MYO1H: variants seen among roughly 807,000 people sequenced by gnomAD.
MYO1H encodes the protein unconventional myosin-Ih.
A neutral mutation model predicts 149.3 loss-of-function variants in MYO1H; 118 were observed. The ratio of observed to expected loss-of-function variants is 0.79; its 90% CI spans 0.68 to 0.92. The LOEUF is 0.92. Among genes scored for constraint, MYO1H ranks in the 40% least tolerant of loss-of-function variants. The pLI is 0.00. For synonymous variants in MYO1H, 447 were observed against 465.2 expected (o/e 0.96, Z 0.50); for missense variants, 1,212 against 1,280.7 (o/e 0.95, Z 0.82).
At chr12:109,440,670 G>A (rs1872077502) in intron 24 of MYO1H, 74 bp from the exon 25 acceptor site, 3 of 1,084,864 alleles carry the variant, frequency 2.8e-6, no homozygotes, top group African/African-American at 3.2e-5. Flanking sequence ...TTTTTTTAAA[G>A]CTTCATTTTG....
chr12:109,430,320 G>A (rs1392254423), intron 19 of MYO1H, among the ~76,000 whole-genome samples: 1 of 152,174 alleles, frequency 6.6e-6, no homozygotes, highest in Non-Finnish European at 1.5e-5. Context: ...CTTGATCAGG[G>A]AGCAACCATA....
the MYO1H span, among the ~76,000 whole-genome samples, chr12:109,335,246 G>T: frequency 6.6e-6 from 1 of 152,160 alleles, no homozygotes; most frequent in Admixed American, 6.5e-5. Context: ...GGAGGCCTCA[G>T]GGAACTTACA....
At chr12:109,412,097 A>T in intron 14 of MYO1H, 112 bp downstream of exon 14, 2 of 660,148 alleles carry the variant, frequency 3.0e-6, no homozygotes, top group South Asian at 4.0e-5. Context: ...ACATAAAAAT[A>T]TCTTTATGTA....
exon 3 of MYO1H, chr12:109,393,372 G>A: frequency 6.3e-7 from 1 of 1,587,446 alleles, no homozygotes; most frequent in Non-Finnish European, 8.6e-7. Flanking sequence ...ATCCATACCA[G>A]GAGCTCGGAA....
chr12:109,409,772 C>T, intron 11 of MYO1H, 148 bp downstream of exon 11: 2 of 763,486 alleles, frequency 2.6e-6, no homozygotes, highest in Non-Finnish European at 4.4e-6. Context: ...ACAGACCATC[C>T]TAGATGTGGA....
chr12:109,334,009 TTTAC>T, the MYO1H span, among the ~76,000 whole-genome samples: 2 of 151,272 alleles, frequency 1.3e-5, no homozygotes, highest in Non-Finnish European at 2.9e-5. Flanking sequence ...GTACTCATTA[TTTAC>T]TTATTTGTTT....
intron 1 of MYO1H, among the ~76,000 whole-genome samples, chr12:109,367,661 C>G (rs1220194263): frequency 6.6e-6 from 1 of 152,088 alleles, no homozygotes; most frequent in Non-Finnish European, 1.5e-5. Context: ...ACCCCATTCT[C>G]CTGCCTCAGC....
chr12:109,388,794 T>C, exon 2 of MYO1H: 1 of 1,613,360 alleles, frequency 6.2e-7, no homozygotes, highest in Non-Finnish European at 8.5e-7. Flanking sequence ...CACCAGCGAA[T>C]CTGCCTTTGT....
At chr12:109,443,889 G>A (rs1872359114) in intron 28 of MYO1H, among the ~76,000 whole-genome samples, 1 of 150,602 alleles carries the variant, frequency 6.6e-6, no homozygotes, top group Non-Finnish European at 1.5e-5. Context: ...GTGGCAAAGT[G>A]AGACTCTGGC....
chr12:109,330,859 C>T, the MYO1H span, among the ~76,000 whole-genome samples: 40 of 152,172 alleles, frequency 2.6e-4, no homozygotes, highest in African/African-American at 9.4e-4. Context: ...CGTCTTGTGT[C>T]GTCAGACTAA....
chr12:109,382,751 G>C (rs1869230917), intron 1 of MYO1H, among the ~76,000 whole-genome samples: 1 of 151,518 alleles, frequency 6.6e-6, no homozygotes, highest in African/African-American at 2.4e-5. Flanking sequence ...ATAGGGGAAG[G>C]CATACGTTCA....
chr12:109,321,880 G>T, the MYO1H span, among the ~76,000 whole-genome samples: 1 of 152,120 alleles, frequency 6.6e-6, no homozygotes, highest in Admixed American at 6.5e-5. Context: ...AAAGAGTTTT[G>T]CAGAACACGA....
chr12:109,389,122 G>A (rs981003874), intron 2 of MYO1H, among the ~76,000 whole-genome samples: 3 of 152,120 alleles, frequency 2.0e-5, no homozygotes, highest in Non-Finnish European at 2.9e-5. Flanking sequence ...GACAATGTCT[G>A]GCAACTCCTT....
At chr12:109,428,255 A>G (rs918259453) in intron 19 of MYO1H, among the ~76,000 whole-genome samples, 10 of 152,226 alleles carry the variant, frequency 6.6e-5, no homozygotes, top group African/African-American at 2.4e-4. Context: ...AATTAGCAGG[A>G]GAAGCTAAGT....
chr12:109,401,558 T>G, intron 6 of MYO1H: 2 of 282,908 alleles, frequency 7.1e-6, no homozygotes, highest in Non-Finnish European at 1.3e-5. Flanking sequence ...GCCTGGGCCA[T>G]ACCCTCCAGA....
chr12:109,322,979 C>T, the MYO1H span, among the ~76,000 whole-genome samples: 2 of 151,878 alleles, frequency 1.3e-5, no homozygotes, highest in South Asian at 2.1e-4. Context: ...TGGTGTTGTG[C>T]GCCTGTGGTC....
chr12:109,379,639 G>T (rs1014516754), intron 1 of MYO1H, among the ~76,000 whole-genome samples: 5 of 150,810 alleles, frequency 3.3e-5, no homozygotes, highest in African/African-American at 1.2e-4. Context: ...AGCATATATA[G>T]TTTGCAAACA....
At chr12:109,405,835 T>C in intron 7 of MYO1H, 87 bp from the exon 8 acceptor site, 1 of 906,250 alleles carries the variant, frequency 1.1e-6, no homozygotes, top group South Asian at 1.4e-5. Flanking sequence ...TTCAGGTGTC[T>C]CCACTAATGA....
the MYO1H span, among the ~76,000 whole-genome samples, chr12:109,311,219 T>C: frequency 6.6e-6 from 1 of 152,184 alleles, no homozygotes; most frequent in Admixed American, 6.5e-5. Flanking sequence ...GTGAGTTCTG[T>C]AGACTCATGA....
Sources: allele counts gnomAD v4.1 joint callset (sites outside exome capture counted in the v4.1 genomes callset), GRCh38; gene constraint gnomAD v4.1.1; transcripts MANE v1.5; gene names NCBI Gene and HGNC (gene_info 2026-07-23, HGNC 2026-07-21).